BCR: variants seen among roughly 807,000 people sequenced by gnomAD.
The protein encoded by BCR is breakpoint cluster region protein.
BCR carries 58 observed loss-of-function variants against 138.6 expected under a neutral mutation model. The observed-to-expected ratio is 0.42, with a 90% CI of 0.34 to 0.52. BCR has a LOEUF of 0.52. Among genes scored for constraint, BCR ranks in the 20% least tolerant of loss-of-function variants. The probability of loss-of-function intolerance (pLI) is 0.06; values close to 1 mark genes in which losing one functional copy is unlikely to be tolerated. For missense variants in BCR, 1,599 were observed against 1,727.2 expected (o/e 0.93, Z 1.32); for synonymous variants, 786 against 730.1 (o/e 1.08, Z -1.23).
chr22:23,203,802 C>G (rs1045161627), intron 1 of BCR, among the ~76,000 whole-genome samples: 1 of 152,232 alleles, frequency 6.6e-6, no homozygotes, highest in Non-Finnish European at 1.5e-5. Flanking sequence ...TTCTGTGCAT[C>G]GTGAGTTAGG....
At chr22:23,291,182 T>A (rs2073782605) in intron 14 of BCR, 1 of 141,052 alleles carries the variant, frequency 7.1e-6, no homozygotes, top group African/African-American at 2.7e-5. Flanking sequence ...CATTCCAGCC[T>A]GGGCGACAGA....
chr22:23,263,547 T>G, intron 4 of BCR: 1 of 1,575,384 alleles, frequency 6.3e-7, no homozygotes, highest in Admixed American at 1.7e-5. Flanking sequence ...GGCCTACCAG[T>G]TCCGTCCAGA....
chr22:23,253,622 C>T (rs937888614), intron 1 of BCR, among the ~76,000 whole-genome samples, 177 bp from the exon 2 acceptor site: 12 of 152,280 alleles, frequency 7.9e-5, no homozygotes, highest in Non-Finnish European at 1.8e-4. Context: ...ATGTTCATCC[C>T]CCCTCACCTT....
chr22:23,185,669 A>C (rs995460116), intron 1 of BCR, among the ~76,000 whole-genome samples: 1 of 149,162 alleles, frequency 6.7e-6, no homozygotes, highest in East Asian at 2.0e-4. Context: ...CAGTCTCAAA[A>C]AACAAACAAA....
Position 23,284,190 on chromosome 22 carries a change from T to C in BCR, c.2237+92T>C, listed in dbSNP as rs554850794. The C allele has an allele frequency of 1.1e-4, 165 of 1,525,610 alleles. No homozygotes were observed. In the East Asian group the frequency reaches 3.5e-3, roughly 32 times the overall value. 94.5% of individuals were successfully genotyped at this position (1,525,610 alleles called of 1,614,324 possible). A position where few individuals can be genotyped will look rare whatever the true frequency, so the allele number is the denominator to read the frequency against. ...TTGTCATGGCGGAGGTCAGTGGTGA[T>C]GTAGCTCGTTACATTCCGTTTCTAC... On this transcript the variant is annotated intron_variant, in intron 9 of 22. Transcript: ENST00000305877.
intron 1 of BCR, among the ~76,000 whole-genome samples, chr22:23,212,764 CTG>C (rs1402679371): frequency 6.6e-6 from 1 of 152,272 alleles, no homozygotes; most frequent in African/African-American, 2.4e-5. Context: ...ATTTATGACT[CTG>C]TCCGTTGGTT....
At chr22:23,276,614 C>T (rs961027790) in intron 8 of BCR, among the ~76,000 whole-genome samples, 1 of 152,160 alleles carries the variant, frequency 6.6e-6, no homozygotes, top group Admixed American at 6.5e-5. Flanking sequence ...GCTTTCTATC[C>T]GAGGCACGTT....
chr22:23,257,851 G>A (rs992923251), intron 2 of BCR, among the ~76,000 whole-genome samples: 1 of 152,198 alleles, frequency 6.6e-6, no homozygotes, highest in Non-Finnish European at 1.5e-5. Flanking sequence ...CCCTGAAGGA[G>A]CCCTCAGAGA....
At chr22:23,216,857 G>C (rs1047523798) in intron 1 of BCR, among the ~76,000 whole-genome samples, 4 of 152,240 alleles carry the variant, frequency 2.6e-5, no homozygotes, top group Non-Finnish European at 4.4e-5. Context: ...TCTCATGGAG[G>C]CTAGGTTCCA....
Position 23,287,346 on chromosome 22 carries a change from C to T in BCR, c.2526+68C>T, listed in dbSNP as rs1418363956. The T allele has an allele frequency of 3.4e-6, 5 of 1,466,902 alleles. No homozygotes were observed. The South Asian group carries it at 5.6e-5, about 17-fold the overall frequency. 90.9% of individuals were successfully genotyped at this position (1,466,902 alleles called of 1,614,324 possible). On this transcript the variant is annotated intron_variant, in intron 11 of 22. Coordinates refer to ENST00000305877, the MANE Select transcript of BCR (RefSeq NM_004327.4). Reference sequence around the variant, plus strand: ...GGATGGGCTCCTGGTTGCCTAATGGCAGTGCGTTTTCACTTGGATGCGCCC... The same window carrying T: ...GGATGGGCTCCTGGTTGCCTAATGGTAGTGCGTTTTCACTTGGATGCGCCC...
At chr22:23,182,965 T>C (rs1017325712) in intron 1 of BCR, among the ~76,000 whole-genome samples, 1 of 152,182 alleles carries the variant, frequency 6.6e-6, no homozygotes, top group African/African-American at 2.4e-5. Context: ...CACCCATGAT[T>C]ATTCACCACC....
intron 1 of BCR, among the ~76,000 whole-genome samples, chr22:23,184,853 G>C (rs747133517): frequency 3.3e-5 from 5 of 151,036 alleles, no homozygotes; most frequent in Non-Finnish European, 3.0e-5. Context: ...CCTGTTTACT[G>C]ATGTTCTTTA....
At chr22:23,218,740 G>A (rs1043656568) in intron 1 of BCR, among the ~76,000 whole-genome samples, 43 of 152,242 alleles carry the variant, frequency 2.8e-4, no homozygotes, top group African/African-American at 9.6e-4. Flanking sequence ...ACCCAGGACA[G>A]CCTGGTTCGC....
intron 1 of BCR, among the ~76,000 whole-genome samples, chr22:23,210,781 A>T (rs1246436374): frequency 6.6e-6 from 1 of 152,166 alleles, no homozygotes; most frequent in Non-Finnish European, 1.5e-5. Context: ...TTGATAATGC[A>T]TTTGAAATTC....
rs867378940 is a variant in BCR, at chr22:23,225,641, C to G, written c.1280-28158C>G. Reference sequence around the variant, plus strand: ...CCTCTAGTTTATATCCCACTGACACCGAGGTTTATTCGCAATGCACTTCAG... The same window carrying G: ...CCTCTAGTTTATATCCCACTGACACGGAGGTTTATTCGCAATGCACTTCAG... On this transcript the variant is annotated intron_variant, in intron 1 of 22. Coordinates refer to ENST00000305877, the MANE Select transcript of BCR (RefSeq NM_004327.4). Among the ~76,000 whole-genome samples, 6 of 152,282 alleles carry G rather than the reference C, an allele frequency of 3.9e-5. No homozygotes were observed. The South Asian group carries it at 6.2e-4, about 16-fold the overall frequency.
chr22:23,252,472 C>T (rs574517593), intron 1 of BCR, among the ~76,000 whole-genome samples: 2 of 141,498 alleles, frequency 1.4e-5, no homozygotes, highest in East Asian at 4.0e-4. Context: ...GCTCTGTCAC[C>T]TAGGCTGGAG....
intron 5 of BCR, among the ~76,000 whole-genome samples, chr22:23,269,614 G>A (rs2073486000): frequency 6.6e-6 from 1 of 152,190 alleles, no homozygotes; most frequent in Non-Finnish European, 1.5e-5. Context: ...AGTCTGTGGG[G>A]CACCCTGCTC....
chr22:23,205,092 C>T (rs1169609668), intron 1 of BCR, among the ~76,000 whole-genome samples: 1 of 152,220 alleles, frequency 6.6e-6, no homozygotes, highest in Non-Finnish European at 1.5e-5. Context: ...CAGCCTTTTG[C>T]AGGCCCCACC....
chr22:23,192,085 T>C (rs117252219), intron 1 of BCR, among the ~76,000 whole-genome samples: 2,383 of 152,286 alleles, frequency 0.016, 27 homozygotes, highest in Non-Finnish European at 0.021. Flanking sequence ...AGACCCACCT[T>C]CCTGGGGCTG....
Sources: allele counts gnomAD v4.1 joint callset (sites outside exome capture counted in the v4.1 genomes callset), GRCh38; gene constraint gnomAD v4.1.1; transcripts MANE v1.5; gene names NCBI Gene and HGNC (gene_info 2026-07-23, HGNC 2026-07-21).